NME9: variants seen among roughly 807,000 people sequenced by gnomAD.
NME9 encodes thioredoxin domain-containing protein 6.
NME9 carries 48 observed loss-of-function variants against 44.4 expected under a neutral mutation model. The ratio of observed to expected loss-of-function variants is 1.08; its 90% confidence interval spans 0.86 to 1.37. The LOEUF (loss-of-function observed/expected upper bound fraction) is 1.37. Ranked by LOEUF, NME9 falls within the 40% of genes most tolerant of loss-of-function variation. NME9 has a pLI of 0.00. For missense variants in NME9, 325 were observed against 405.2 expected (o/e 0.80, Z 1.70); for synonymous variants, 139 against 147.1 (o/e 0.94, Z 0.40).
At chr3:138,318,310 C>G in intron 3 of NME9, 91 bp from the exon 4 acceptor site, 3 of 835,516 alleles carry the variant, frequency 3.6e-6, no homozygotes, top group Middle Eastern at 4.4e-4. Context: ...ACTGAACACC[C>G]CCAGGACTGA....
chr3:138,282,425 A>T (rs954696964), intron 8 of NME9, among the ~76,000 whole-genome samples: 4 of 152,100 alleles, frequency 2.6e-5, no homozygotes, highest in Non-Finnish European at 5.9e-5. Context: ...GGGCGGGTGG[A>T]TCATGAGGTC....
chr3:138,289,338 C>A (rs1444152362), intron 8 of NME9, among the ~76,000 whole-genome samples: 1 of 152,082 alleles, frequency 6.6e-6, no homozygotes, highest in East Asian at 1.9e-4. Flanking sequence ...AACTCTATAC[C>A]AGATTCAAGG....
At chr3:138,275,623 A>G (rs2108317987) in intron 8 of NME9, among the ~76,000 whole-genome samples, 1 of 152,240 alleles carries the variant, frequency 6.6e-6, no homozygotes, top group East Asian at 1.9e-4. Context: ...AACTCGCCCA[A>G]GGTCATCAGT....
In NME9 at chr3:138,303,661, A is replaced by G. The variant is rs202221079; in HGVS notation, c.792-18T>C. ...CTCGGAGACTGGGAACATTGGCAAAATGTAAAAGAAACAATTGTTTCATTT... is the reference window on the plus strand; with the variant it reads ...CTCGGAGACTGGGAACATTGGCAAAGTGTAAAAGAAACAATTGTTTCATTT... On this transcript the variant is annotated intron_variant, in intron 9 of 10. Transcript: ENST00000333911. The G allele has an allele frequency of 1.9e-6, 3 of 1,583,898 alleles. No individual in the cohort carries two copies.
chr3:138,302,522 C>G (rs1016633512), intron 10 of NME9, among the ~76,000 whole-genome samples: 3 of 152,272 alleles, frequency 2.0e-5, no homozygotes, highest in Middle Eastern at 3.4e-3. Context: ...GGAAAGCTGG[C>G]CTGGAGTGTC....
chr3:138,296,106 G>GT, downstream of NME9: 1 of 490,338 alleles, frequency 2.0e-6, no homozygotes, highest in Non-Finnish European at 3.6e-6. Context: ...GTTTTGTTTT[G>GT]GTTTTTTTTT....
intron 8 of NME9, among the ~76,000 whole-genome samples, chr3:138,271,194 C>T (rs2048755487): frequency 6.6e-6 from 1 of 152,174 alleles, no homozygotes; most frequent in African/African-American, 2.4e-5. Flanking sequence ...AGATATTTTT[C>T]TCCTGAACTT....
intron 2 of NME9, among the ~76,000 whole-genome samples, chr3:138,323,588 G>T (rs190208646): frequency 3.3e-5 from 5 of 152,274 alleles, no homozygotes; most frequent in Admixed American, 2.6e-4. Context: ...GGTTCCAGAA[G>T]GATTTCATAT....
intron 8 of NME9, among the ~76,000 whole-genome samples, chr3:138,264,412 CTTTTTTTTTTTTTTTT>C (rs11298899): frequency 2.1e-5 from 1 of 48,630 alleles, no homozygotes; most frequent in African/African-American, 7.7e-5. Context: ...GATTTTCTTT[CTTTTTTTTTTTTTTTT>C]TTTTTTTTTG....
At chr3:138,321,094 A>G (rs2053437479) in intron 2 of NME9, among the ~76,000 whole-genome samples, 1 of 152,234 alleles carries the variant, frequency 6.6e-6, no homozygotes, top group African/African-American at 2.4e-5. Flanking sequence ...TGAAAAGCCC[A>G]GTGAGATGGA....
chr3:138,304,469 A>C (rs2052082492), intron 9 of NME9, among the ~76,000 whole-genome samples: 1 of 152,234 alleles, frequency 6.6e-6, no homozygotes, highest in Admixed American at 6.5e-5. Flanking sequence ...GATGGGGAGT[A>C]GGTTTGGATG....
chr3:138,295,144 C>T (rs559152577), intron 8 of NME9, among the ~76,000 whole-genome samples: 1 of 152,204 alleles, frequency 6.6e-6, no homozygotes, highest in Non-Finnish European at 1.5e-5. Context: ...GGTGATCTGC[C>T]CTCCTCAGCC....
At chr3:138,318,252 A>G (rs1242705362) in intron 3 of NME9, 33 bp from the exon 4 acceptor site, 3 of 1,446,208 alleles carry the variant, frequency 2.1e-6, no homozygotes, top group Non-Finnish European at 2.9e-6. Context: ...GGTACCCTGG[A>G]TGCAGGGGGT....
intron 6 of NME9, among the ~76,000 whole-genome samples, chr3:138,307,798 A>C (rs993463659): frequency 6.6e-6 from 1 of 152,220 alleles, no homozygotes; most frequent in African/African-American, 2.4e-5. Flanking sequence ...GAAAACAAGA[A>C]AAGTTGTGAC....
At chr3:138,298,787 A>G (rs893797794), downstream of NME9, among the ~76,000 whole-genome samples, 5 of 152,192 alleles carry the variant, frequency 3.3e-5, no homozygotes, top group African/African-American at 1.2e-4. Context: ...TTCGTCTACT[A>G]CGCACTGCCA....
intron 1 of NME9, among the ~76,000 whole-genome samples, chr3:138,326,665 C>T (rs1274865458): frequency 6.6e-6 from 1 of 151,590 alleles, no homozygotes; most frequent in Non-Finnish European, 1.5e-5. Flanking sequence ...GAACTCCTGA[C>T]CTCAAGTAAT....
At chr3:138,311,934 A>G (rs1375967106) in intron 6 of NME9, among the ~76,000 whole-genome samples, 2 of 152,240 alleles carry the variant, frequency 1.3e-5, no homozygotes, top group African/African-American at 4.8e-5. Flanking sequence ...CAAAATCAAC[A>G]TACAAAAACC....
At chr3:138,263,026 T>TGTTTGTTAATATTTGTGTTGTGA (rs2047908213) in intron 8 of NME9, among the ~76,000 whole-genome samples, 1 of 152,210 alleles carries the variant, frequency 6.6e-6, no homozygotes, top group African/African-American at 2.4e-5. Context: ...TCAACAAATG[T>TGTTTGTTAATATTTGTGTTGTGA]GTTTGTTAAT....
In NME9 at chr3:138,329,655, C is replaced by T. The variant is rs1454919536; in HGVS notation, c.-320G>A. 12 of 1,194,274 alleles carry T rather than the reference C, an allele frequency of 1.0e-5. No individual in the cohort carries two copies. The highest frequency in any genetic ancestry group is 1.2e-5 in the Non-Finnish European group (12 of 960,410). The allele number at this position is 1,194,274 out of a possible 1,614,324, so 74.0% of individuals were successfully genotyped here. On this transcript the variant is annotated 5_prime_UTR_variant, in exon 1 of 11. Transcript: ENST00000333911. ...CGCGCAGAGGCCGGAGTCAGTGCGC[C>T]GGGCGCGGTGCAGCCTGTCGGGCAC...
Sources: gnomAD v4.1 joint callset for allele counts (sites outside exome capture counted in the v4.1 genomes callset) on GRCh38, gnomAD v4.1.1 for gene constraint, MANE v1.5 for transcripts, NCBI Gene and HGNC (gene_info 2026-07-23, HGNC 2026-07-21) for gene names.